SAE1: variants seen among roughly 807,000 people sequenced by gnomAD.
SAE1 encodes the protein SUMO-activating enzyme subunit 1.
Under a neutral mutation model 40.6 loss-of-function variants are expected in SAE1, and 11 were observed. That is an observed-to-expected ratio of 0.27 (90% CI 0.17 to 0.45). SAE1 has a LOEUF of 0.45. Among genes scored for constraint, SAE1 ranks in the 20% least tolerant of loss-of-function variants. SAE1 has a pLI of 1.00. For synonymous variants in SAE1, 155 were observed against 154.3 expected (o/e 1.00, Z -0.03); for missense variants, 373 against 427.3 (o/e 0.87, Z 1.12).
chr19:47,133,349 C>A (rs1248310303), intron 1 of SAE1, among the ~76,000 whole-genome samples: 2 of 152,230 alleles, frequency 1.3e-5, no homozygotes, highest in African/African-American at 2.4e-5. Flanking sequence ...CCTCACCTTC[C>A]TGAGTAGCTG....
At chr19:47,144,705 A>G (rs1287898387) in intron 2 of SAE1, among the ~76,000 whole-genome samples, 1 of 152,170 alleles carries the variant, frequency 6.6e-6, no homozygotes, top group Non-Finnish European at 1.5e-5. Context: ...TTTCAACAAC[A>G]ACAACAACAA....
rs1056293719 is a variant in SAE1 at position 47,146,958 on chromosome 19, C to T, written c.211-3244C>T. Among the ~76,000 whole-genome samples, 54 of 152,068 alleles carry T rather than the reference C, an allele frequency of 3.6e-4. 1 individual carries two copies. The highest frequency in any genetic ancestry group is 6.5e-4 in the Non-Finnish European group (44 of 68,020). ...CTCAGGTGGATCAGGAAGAAATCTGCACCAGAAAGAGTGATTTGAAAAATA... is the reference window on the plus strand; with the variant it reads ...CTCAGGTGGATCAGGAAGAAATCTGTACCAGAAAGAGTGATTTGAAAAATA... On this transcript the variant is annotated intron_variant, in intron 2 of 8. Coordinates refer to ENST00000270225, the MANE Select transcript of SAE1 (RefSeq NM_005500.3).
At chr19:47,137,371 A>G (rs1014775543) in intron 1 of SAE1, among the ~76,000 whole-genome samples, 2 of 152,050 alleles carry the variant, frequency 1.3e-5, no homozygotes, top group Non-Finnish European at 2.9e-5. Flanking sequence ...CTGGGTGACA[A>G]GAGCGAAACT....
Position 47,134,392 on chromosome 19 carries a change from GTCT to G in SAE1, c.98+3369_98+3371del, listed in dbSNP as rs578093032. 1.3e-3 allele frequency among the ~76,000 whole-genome samples: 202 copies of G among 151,878 alleles called. 1 individual carries two copies. Among genetic ancestry groups the G allele is most frequent in the African/African-American group, 4.6e-3 (190 of 41,388 alleles). ...CTCAGGCTCATTTCAGATCTGTGGG[GTCT>G]TCTTTGATGGGGTGGGGGGATGTCA... On this transcript the variant is annotated intron_variant, in intron 1 of 8. Transcript: ENST00000270225.
At chr19:47,158,733 C>T (rs2058339097) in intron 5 of SAE1, among the ~76,000 whole-genome samples, 1 of 152,196 alleles carries the variant, frequency 6.6e-6, no homozygotes, top group Non-Finnish European at 1.5e-5. Flanking sequence ...CAGGGAATCA[C>T]ATCCAGTCTT....
intron 6 of SAE1, among the ~76,000 whole-genome samples, chr19:47,196,300 G>A (rs1568608665): frequency 7.9e-6 from 1 of 126,934 alleles, no homozygotes; most frequent in Non-Finnish European, 1.6e-5. Context: ...CTCCCAAAGT[G>A]CTGGGATTAC....
intron 7 of SAE1, among the ~76,000 whole-genome samples, chr19:47,200,518 G>A (rs2123318068): frequency 6.7e-6 from 1 of 148,452 alleles, no homozygotes; most frequent in Middle Eastern, 3.5e-3. Flanking sequence ...ACATCTGCCT[G>A]AGTTAAATGA....
chr19:47,193,414 C>T (rs1227002804), intron 6 of SAE1, among the ~76,000 whole-genome samples: 1 of 151,972 alleles, frequency 6.6e-6, no homozygotes, highest in East Asian at 1.9e-4. Context: ...TTGAGGGTTG[C>T]AGAAGCTGTG....
intron 3 of SAE1, among the ~76,000 whole-genome samples, chr19:47,150,840 T>C (rs1022526169): frequency 2.0e-5 from 3 of 152,248 alleles, no homozygotes; most frequent in African/African-American, 7.2e-5. Context: ...GATCTATGTC[T>C]GTCTGTCTGT....
rs2058703956 is a variant in SAE1, at chr19:47,209,708, T to G, written c.*457T>G. ...GAAAAGTGTGAATTCAGGTGGAGAG[T>G]AGGCCCAGGCCCCATGAGGCACCAG... On this transcript the variant is annotated 3_prime_UTR_variant, in exon 9 of 9. Coordinates refer to ENST00000270225, the MANE Select transcript of SAE1 (RefSeq NM_005500.3). 6.1e-6 allele frequency: 1 copy of G among 164,510 alleles called. No homozygotes were observed. Among genetic ancestry groups the G allele is most frequent in the Non-Finnish European group, 1.3e-5 (1 of 76,458 alleles). The allele number at this position is 164,510 out of a possible 1,614,324, so 10.2% of individuals were successfully genotyped here.
At chr19:47,190,631 G>A (rs549520089) in intron 6 of SAE1, among the ~76,000 whole-genome samples, 1 of 152,312 alleles carries the variant, frequency 6.6e-6, no homozygotes, top group South Asian at 2.1e-4. Flanking sequence ...TATGTGGATG[G>A]TGCCAGCCTG....
At chr19:47,167,841 A>G (rs1219332207) in intron 5 of SAE1, among the ~76,000 whole-genome samples, 1 of 152,116 alleles carries the variant, frequency 6.6e-6, no homozygotes, top group Non-Finnish European at 1.5e-5. Flanking sequence ...GACGGGATCT[A>G]ACAGTGTTCC....
chr19:47,145,630 G>C (rs1425257641), intron 2 of SAE1, among the ~76,000 whole-genome samples: 1 of 151,960 alleles, frequency 6.6e-6, no homozygotes, highest in African/African-American at 2.4e-5. Flanking sequence ...GCCCAGGCTG[G>C]AGTACAGTGA....
Position 47,155,184 on chromosome 19 carries a change from G to C in SAE1, c.598G>C (p.Asp200His). The change falls in exon 5 of 9, where the codon GAT (aspartate) becomes CAT (histidine). Residue 200 changes from aspartate (D) to histidine (H), a missense_variant. Asp to His is a moderately conservative substitution (Grantham distance 81). Around this residue, in one of 3 missense-constraint regions of SAE1, gnomAD observed 351 missense variants for 390.6 expected, o/e 0.90. Coordinates refer to ENST00000270225, the MANE Select transcript of SAE1 (RefSeq NM_005500.3). Reference sequence around the variant, plus strand: ...GCCCGACACCAAGAGAGCAAAACTTGATTCTTCTGAGACAACGATGGTCAA... The same window carrying C: ...GCCCGACACCAAGAGAGCAAAACTTCATTCTTCTGAGACAACGATGGTCAA... ...DGPDTKRAKL[D>H]SSETTMVKKK... is the part of the protein sequence containing the mutation. The C allele has an allele frequency of 6.2e-7, 1 of 1,613,944 alleles. No homozygotes were observed. Among genetic ancestry groups the C allele is most frequent in the Non-Finnish European group, 8.5e-7 (1 of 1,179,866 alleles).
chr19:47,168,757 C>A lies in SAE1; in HGVS notation c.628-1061C>A, dbSNP rs571969269. Reference sequence around the variant, plus strand: ...TAGTTGGGATTACAGGTGCCTGCCACCACGTCCAACTAATTTTTGTATTTT... The same window carrying A: ...TAGTTGGGATTACAGGTGCCTGCCAACACGTCCAACTAATTTTTGTATTTT... On this transcript the variant is annotated intron_variant, in intron 5 of 8. Transcript: ENST00000270225. 5.3e-5 allele frequency among the ~76,000 whole-genome samples: 8 copies of A among 152,174 alleles called. No individual in the cohort carries two copies. In the East Asian group the frequency reaches 1.5e-3, roughly 29 times the overall value.
chr19:47,155,814 C>A (rs946760401), intron 5 of SAE1, among the ~76,000 whole-genome samples: 1 of 145,410 alleles, frequency 6.9e-6, no homozygotes, highest in Non-Finnish European at 1.5e-5. Context: ...AATCTCAGCT[C>A]ACTGCAACCT....
chr19:47,200,046 T>G (rs2058642951), intron 7 of SAE1, among the ~76,000 whole-genome samples: 1 of 151,890 alleles, frequency 6.6e-6, no homozygotes, highest in African/African-American at 2.4e-5. Context: ...TTCTCCTGCC[T>G]CAGCCTCCCC....
intron 7 of SAE1, among the ~76,000 whole-genome samples, chr19:47,201,794 C>T (rs1051210631): frequency 6.6e-6 from 1 of 151,834 alleles, no homozygotes; most frequent in Non-Finnish European, 1.5e-5. Flanking sequence ...CCACCACACC[C>T]GGCTAACTTT....
At chr19:47,208,873 G>T (rs2058698916) in intron 8 of SAE1, among the ~76,000 whole-genome samples, 1 of 152,188 alleles carries the variant, frequency 6.6e-6, no homozygotes, top group South Asian at 2.1e-4. Flanking sequence ...TTACATTTTT[G>T]AGATACATAG....
Sources: allele counts gnomAD v4.1 joint callset (sites outside exome capture counted in the v4.1 genomes callset), GRCh38; gene constraint gnomAD v4.1.1; regional missense constraint gnomAD v4.1.1; transcripts MANE v1.5; gene names NCBI Gene and HGNC (gene_info 2026-07-23, HGNC 2026-07-21).